STPG2: variants seen among roughly 807,000 people sequenced by gnomAD.
The protein encoded by STPG2 is sperm tail PG-rich repeat containing 2, also known as sperm-tail PG-rich repeat-containing protein 2.
In STPG2, 56 loss-of-function variants were observed where a neutral mutation model predicts 54.2. That is an observed-to-expected ratio of 1.03 (90% confidence interval 0.83 to 1.29). STPG2 has a LOEUF of 1.29. STPG2 is among the 50% of genes most tolerant of loss of function. STPG2 has a pLI of 0.00. For missense variants in STPG2, 596 were observed against 544.9 expected (o/e 1.09, Z -0.93); for synonymous variants, 200 against 181.8 (o/e 1.10, Z -0.81).
At chr4:97,670,022 C>T (rs1722649384) in intron 10 of STPG2, among the ~76,000 whole-genome samples, 1 of 151,496 alleles carries the variant, frequency 6.6e-6, no homozygotes, top group African/African-American at 2.4e-5. Context: ...TTGCTATATT[C>T]CTAACAAAGG....
intron 9 of STPG2, among the ~76,000 whole-genome samples, chr4:97,734,337 G>A (rs572016038): frequency 6.6e-6 from 1 of 152,184 alleles, no homozygotes; most frequent in African/African-American, 2.4e-5. Flanking sequence ...TGTGTTATGA[G>A]TGCTTGTTAC....
At chr4:97,820,245 T>C (rs976478330) in intron 9 of STPG2, among the ~76,000 whole-genome samples, 15 of 152,112 alleles carry the variant, frequency 9.9e-5, no homozygotes, top group Non-Finnish European at 1.2e-4. Flanking sequence ...GTGGTGTGTG[T>C]TCCTATGGCT....
chr4:97,566,816 G>A (rs1176064060), intron 10 of STPG2, among the ~76,000 whole-genome samples: 1 of 149,794 alleles, frequency 6.7e-6, no homozygotes, highest in South Asian at 2.1e-4. Flanking sequence ...CTCACTCATA[G>A]GTAGGAACTG....
intron 5 of STPG2, among the ~76,000 whole-genome samples, chr4:98,069,055 T>A (rs891142380): frequency 6.6e-6 from 1 of 152,100 alleles, no homozygotes; most frequent in Non-Finnish European, 1.5e-5. Flanking sequence ...AGAATTTAAG[T>A]AACCAAACAT....
At position 97,456,878 on chromosome 4, in the gene STPG2, G is replaced by C. The variant is rs1375136275; in HGVS notation, c.462+255821C>G. 3.0e-5 allele frequency among the ~76,000 whole-genome samples: 3 copies of C among 98,804 alleles called. No homozygotes were observed. The African/African-American group carries it at 3.6e-4, about 12-fold the overall frequency. 64.8% of individuals were successfully genotyped at this position (98,804 alleles called of 152,430 possible). A position where few individuals can be genotyped will look rare whatever the true frequency, so the allele number is the denominator to read the frequency against. ...CCACCGCACTCCAGCCTGGGTAACA[G>C]AGTGCTCCGTCTCAAAAAAAAAAAA... On this transcript the variant is annotated intron_variant, in intron 4 of 4. Transcript: ENST00000522676.
intron 10 of STPG2, among the ~76,000 whole-genome samples, chr4:97,563,405 C>G (rs1457240821): frequency 1.3e-5 from 2 of 151,942 alleles, no homozygotes; most frequent in Non-Finnish European, 2.9e-5. Context: ...GGATTCATTA[C>G]TTTTTTGAAG....
At chr4:97,728,191 A>G (rs1724681090) in intron 9 of STPG2, among the ~76,000 whole-genome samples, 1 of 151,964 alleles carries the variant, frequency 6.6e-6, no homozygotes, top group Non-Finnish European at 1.5e-5. Context: ...CATTTATGTT[A>G]TCTTCAACCT....
At chr4:97,830,079 C>T (rs1728402941) in intron 9 of STPG2, among the ~76,000 whole-genome samples, 1 of 152,090 alleles carries the variant, frequency 6.6e-6, no homozygotes. Context: ...TCCTCAGATT[C>T]ACCAAGGATG....
intron 10 of STPG2, among the ~76,000 whole-genome samples, chr4:97,702,947 A>G (rs959368385): frequency 1.4e-4 from 21 of 152,092 alleles, no homozygotes; most frequent in African/African-American, 4.3e-4. Context: ...ACTCAGGGCA[A>G]TCTTAGCAGA....
At chr4:97,976,898 C>G (rs1734517505) in intron 6 of STPG2, among the ~76,000 whole-genome samples, 2 of 152,060 alleles carry the variant, frequency 1.3e-5, no homozygotes, top group Admixed American at 1.3e-4. Flanking sequence ...CTGGGCCACT[C>G]AATAAGTTAA....
chr4:97,821,916 T>C (rs1411222437), intron 9 of STPG2, among the ~76,000 whole-genome samples: 1 of 152,184 alleles, frequency 6.6e-6, no homozygotes, highest in Non-Finnish European at 1.5e-5. Context: ...CTGAAATGCC[T>C]TGGAGGCCTT....
chr4:97,891,932 T>G (rs1418219632), intron 8 of STPG2, among the ~76,000 whole-genome samples: 1 of 152,008 alleles, frequency 6.6e-6, no homozygotes, highest in African/African-American at 2.4e-5. Context: ...AATCAGCCAA[T>G]CCCCCATTGC....
intron 4 of STPG2, among the ~76,000 whole-genome samples, chr4:98,108,718 G>A (rs895996969): frequency 6.6e-6 from 1 of 152,094 alleles, no homozygotes; most frequent in Non-Finnish European, 1.5e-5. Flanking sequence ...ATAGCTGCAT[G>A]ATCTTGAACA....
At chr4:98,118,540 A>G (rs561294754) in intron 3 of STPG2, among the ~76,000 whole-genome samples, 1 of 152,064 alleles carries the variant, frequency 6.6e-6, no homozygotes, top group Non-Finnish European at 1.5e-5. Context: ...ATATGTATAA[A>G]CTCACAGGTT....
At chr4:97,448,166 C>A (rs1729274175) in intron 4 of STPG2, among the ~76,000 whole-genome samples, 1 of 152,068 alleles carries the variant, frequency 6.6e-6, no homozygotes, top group Non-Finnish European at 1.5e-5. Context: ...AGTGCTTGTC[C>A]CCATATTGTA....
intron 4 of STPG2, chr4:97,489,758 C>T (rs1412442029): frequency 6.6e-6 from 1 of 151,556 alleles, no homozygotes; most frequent in Non-Finnish European, 1.5e-5. Context: ...AAATAATTCT[C>T]TTATTTCCTT....
chr4:97,592,256 C>T (rs1156548611), intron 10 of STPG2, among the ~76,000 whole-genome samples: 1 of 152,000 alleles, frequency 6.6e-6, no homozygotes, highest in African/African-American at 2.4e-5. Context: ...TCAATCCATT[C>T]TTAAAATCTA....
intron 9 of STPG2, among the ~76,000 whole-genome samples, chr4:97,726,283 T>C (rs1398325763): frequency 6.6e-6 from 1 of 151,914 alleles, no homozygotes; most frequent in African/African-American, 2.4e-5. Flanking sequence ...ATGGTAGTGG[T>C]CAGGGGCTAG....
intron 7 of STPG2, among the ~76,000 whole-genome samples, chr4:97,947,766 G>C (rs1300381421): frequency 2.6e-5 from 4 of 151,994 alleles, no homozygotes; most frequent in African/African-American, 4.8e-5. Flanking sequence ...ACTTGTTCAT[G>C]ATGTATTATC....
Sources: gnomAD v4.1 joint callset for allele counts (sites outside exome capture counted in the v4.1 genomes callset) on GRCh38, gnomAD v4.1.1 for gene constraint, MANE v1.5 for transcripts, NCBI Gene and HGNC (gene_info 2026-07-23, HGNC 2026-07-21) for gene names.